GABRB1: variants seen among roughly 807,000 people sequenced by gnomAD.
GABRB1 encodes the protein gamma-aminobutyric acid receptor subunit beta-1.
GABRB1 carries 17 observed loss-of-function variants against 51.6 expected under a neutral mutation model. The ratio of observed to expected loss-of-function variants is 0.33; its 90% CI spans 0.23 to 0.49. GABRB1 has a LOEUF of 0.49. GABRB1 is among the 20% of genes least tolerant of loss of function. The pLI is 0.99. For missense variants in GABRB1, 410 were observed against 600.6 expected (o/e 0.68, Z 3.32); for synonymous variants, 247 against 218.9 (o/e 1.13, Z -1.14).
rs1726313104 is a variant in GABRB1, at chr4:47,351,128, C to T, written c.544+30919C>T. 5.9e-5 allele frequency among the ~76,000 whole-genome samples: 9 copies of T among 152,304 alleles called. No homozygotes were observed. In the South Asian group the frequency reaches 1.9e-3, roughly 32 times the overall value. ...TTCAATCAACAAATACTGTGTCCTA[C>T]CACAAGGCTACCAGATTAGACACGA... On this transcript the variant is annotated intron_variant, in intron 5 of 8. Transcript: ENST00000295454.
intron 4 of GABRB1, among the ~76,000 whole-genome samples, chr4:47,296,501 A>G (rs1363382068): frequency 6.6e-6 from 1 of 152,198 alleles, no homozygotes; most frequent in East Asian, 1.9e-4. Flanking sequence ...AAAGATCAAA[A>G]GAGACAAAGA....
In GABRB1 at chr4:47,081,860, G is replaced by A. The variant is rs559914545; in HGVS notation, c.240+49376G>A. Among the ~76,000 whole-genome samples the A allele has an allele frequency of 3.3e-5, 5 of 152,174 alleles. No homozygotes were observed. In the East Asian group the frequency reaches 9.6e-4, roughly 29 times the overall value. On this transcript the variant is annotated intron_variant, in intron 3 of 8. Coordinates refer to ENST00000295454, the MANE Select transcript of GABRB1 (RefSeq NM_000812.4). ...TACCCTTTGGGGAAAAATGAATTAA[G>A]CTTTTCTTGGTATTCTATCATTTGT...
intron 4 of GABRB1, among the ~76,000 whole-genome samples, chr4:47,315,494 C>T (rs910808396): frequency 2.6e-5 from 4 of 151,814 alleles, no homozygotes; most frequent in African/African-American, 9.7e-5. Context: ...GAACTCAAAG[C>T]AAAATTACCA....
chr4:47,158,991 G>A (rs201966024), intron 3 of GABRB1, among the ~76,000 whole-genome samples: 1 of 151,918 alleles, frequency 6.6e-6, no homozygotes, highest in East Asian at 1.9e-4. Flanking sequence ...TTAGAAATAA[G>A]GCAAGTCAGG....
At chr4:47,288,578 T>A (rs79099737) in intron 4 of GABRB1, among the ~76,000 whole-genome samples, 2,768 of 152,254 alleles carry the variant, frequency 0.018, 101 homozygotes, top group African/African-American at 0.063. Flanking sequence ...TCTATCTTAA[T>A]AATGTTTTCC....
At chr4:47,267,518 G>T (rs1031446889) in intron 4 of GABRB1, among the ~76,000 whole-genome samples, 1 of 152,126 alleles carries the variant, frequency 6.6e-6, no homozygotes, top group Non-Finnish European at 1.5e-5. Context: ...ATGAAGGCCA[G>T]TTGCGGTGGC....
At chr4:47,374,725 A>C (rs1727320277) in intron 5 of GABRB1, among the ~76,000 whole-genome samples, 1 of 152,226 alleles carries the variant, frequency 6.6e-6, no homozygotes, top group African/African-American at 2.4e-5. Flanking sequence ...ATGGCATTCC[A>C]GTTGGAGTAA....
chr4:47,270,171 G>C (rs931460456), intron 4 of GABRB1, among the ~76,000 whole-genome samples: 1 of 152,190 alleles, frequency 6.6e-6, no homozygotes, highest in Non-Finnish European at 1.5e-5. Flanking sequence ...TGATTGGCTG[G>C]CTCTGAATGT....
intron 5 of GABRB1, among the ~76,000 whole-genome samples, chr4:47,369,760 C>T (rs1205146866): frequency 2.6e-5 from 4 of 152,066 alleles, no homozygotes; most frequent in Non-Finnish European, 4.4e-5. Context: ...CTAATCTTGT[C>T]CCCTTCTAAG....
At chr4:47,293,512 C>A (rs1197843324) in intron 4 of GABRB1, among the ~76,000 whole-genome samples, 1 of 151,960 alleles carries the variant, frequency 6.6e-6, no homozygotes, top group Non-Finnish European at 1.5e-5. Flanking sequence ...TTCAGGAGCA[C>A]TCTGGGAAAA....
intron 4 of GABRB1, among the ~76,000 whole-genome samples, chr4:47,222,241 G>A (rs562702563): frequency 5.3e-5 from 8 of 152,188 alleles, no homozygotes; most frequent in African/African-American, 1.9e-4. Context: ...TTATTTTGGG[G>A]TTACAAATAG....
At chr4:47,206,459 C>T (rs757603087) in intron 4 of GABRB1, among the ~76,000 whole-genome samples, 1 of 151,822 alleles carries the variant, frequency 6.6e-6, no homozygotes, top group East Asian at 1.9e-4. Context: ...CGGAAAATGG[C>T]CAGTAAAATA....
chr4:47,152,574 C>T (rs1056130626), intron 3 of GABRB1, among the ~76,000 whole-genome samples: 1 of 152,024 alleles, frequency 6.6e-6, no homozygotes, highest in Non-Finnish European at 1.5e-5. Context: ...ATCTGTCACT[C>T]ATGAGTCACA....
chr4:47,036,485 C>A (rs1725572159), intron 3 of GABRB1, among the ~76,000 whole-genome samples: 2 of 152,110 alleles, frequency 1.3e-5, no homozygotes, highest in Admixed American at 1.3e-4. Context: ...TGACATTCTG[C>A]ATTTTTCCTG....
intron 1 of GABRB1, among the ~76,000 whole-genome samples, chr4:47,009,544 G>C (rs1362460364): frequency 1.3e-5 from 2 of 152,114 alleles, no homozygotes; most frequent in Non-Finnish European, 2.9e-5. Context: ...AATAGAACTT[G>C]AGAGCTAATA....
At chr4:47,187,601 C>G (rs896095189) in intron 4 of GABRB1, among the ~76,000 whole-genome samples, 2 of 151,838 alleles carry the variant, frequency 1.3e-5, no homozygotes, top group African/African-American at 2.4e-5. Context: ...CATGCCGACT[C>G]CCTCCGAGTT....
chr4:47,190,485 G>A (rs1414981880), intron 4 of GABRB1, among the ~76,000 whole-genome samples: 1 of 152,098 alleles, frequency 6.6e-6, no homozygotes, highest in Non-Finnish European at 1.5e-5. Flanking sequence ...CAACAAACCT[G>A]ATCATTGTCA....
At chr4:47,204,025 A>G (rs1577998761) in intron 4 of GABRB1, among the ~76,000 whole-genome samples, 1 of 152,332 alleles carries the variant, frequency 6.6e-6, no homozygotes, top group Non-Finnish European at 1.5e-5. Flanking sequence ...CTCTGAAATT[A>G]CAGTTGCAGA....
At chr4:47,253,315 G>A (rs1722065336) in intron 4 of GABRB1, among the ~76,000 whole-genome samples, 1 of 152,204 alleles carries the variant, frequency 6.6e-6, no homozygotes, top group Non-Finnish European at 1.5e-5. Flanking sequence ...GTGAGTCCGT[G>A]AGCTCTAATT....
Sources: gnomAD v4.1 joint callset for allele counts (sites outside exome capture counted in the v4.1 genomes callset) on GRCh38, gnomAD v4.1.1 for gene constraint, MANE v1.5 for transcripts, NCBI Gene and HGNC (gene_info 2026-07-23, HGNC 2026-07-21) for gene names.